MGLL: variants seen among roughly 807,000 people sequenced by gnomAD.
The protein encoded by MGLL is lysophospholipase homolog.
MGLL carries 7 observed loss-of-function variants against 29.1 expected under a neutral mutation model. That is an observed-to-expected ratio of 0.24 (90% CI 0.14 to 0.45). The LOEUF (loss-of-function observed/expected upper bound fraction) is 0.45, where lower values mean the gene tolerates loss of function less well. Ranked by LOEUF, MGLL falls within the 20% of genes least tolerant of loss-of-function variation. The pLI is 0.99. For missense variants in MGLL, 356 were observed against 413.6 expected, an observed-to-expected ratio of 0.86 and a Z score of 1.21; for synonymous variants, 148 against 168.3, an observed-to-expected ratio of 0.88 and a Z score of 0.93.
At chr3:127,708,661 G>GC (rs1338143646) in intron 6 of MGLL, among the ~76,000 whole-genome samples, 1 of 152,144 alleles carries the variant, frequency 6.6e-6, no homozygotes, top group African/African-American at 2.4e-5. Flanking sequence ...TTAAAGGGAG[G>GC]CCCCTCCCTC....
At chr3:127,722,310 G>A (rs1576503375) in intron 4 of MGLL, 120 bp downstream of exon 4, 4 of 1,402,198 alleles carry the variant, frequency 2.9e-6, no homozygotes, top group Middle Eastern at 2.4e-4. Flanking sequence ...GTGCACAAAG[G>A]GAGACATCAT....
At chr3:127,793,366 T>A (rs2077332304) in intron 2 of MGLL, among the ~76,000 whole-genome samples, 1 of 152,182 alleles carries the variant, frequency 6.6e-6, no homozygotes, top group Non-Finnish European at 1.5e-5. Context: ...AAAAATAGGT[T>A]GTGTGTGAAT....
At chr3:127,770,546 C>T (rs568702496) in intron 3 of MGLL, among the ~76,000 whole-genome samples, 31 of 152,126 alleles carry the variant, frequency 2.0e-4, no homozygotes, top group Middle Eastern at 3.4e-3. Context: ...TCAGAAAGAA[C>T]CGAGATGGCA....
chr3:127,732,673 C>T (rs956708444), intron 3 of MGLL, among the ~76,000 whole-genome samples: 6 of 152,182 alleles, frequency 3.9e-5, no homozygotes, highest in Non-Finnish European at 5.9e-5. Flanking sequence ...CACTCACCAG[C>T]ACCTGCAGAT....
At chr3:127,741,662 G>C (rs901818194) in intron 3 of MGLL, among the ~76,000 whole-genome samples, 2 of 152,202 alleles carry the variant, frequency 1.3e-5, no homozygotes, top group Non-Finnish European at 2.9e-5. Context: ...TTGTCTCATG[G>C]TTCCCAAGGT....
chr3:127,727,725 A>C (rs2076073434), intron 3 of MGLL, among the ~76,000 whole-genome samples: 1 of 151,750 alleles, frequency 6.6e-6, no homozygotes, highest in African/African-American at 2.4e-5. Context: ...AAAAAAAAAA[A>C]AAAACAGAGC....
intron 2 of MGLL, among the ~76,000 whole-genome samples, chr3:127,814,364 G>A (rs2077716241): frequency 6.6e-6 from 1 of 152,138 alleles, no homozygotes; most frequent in Non-Finnish European, 1.5e-5. Context: ...AAGGCTGTGT[G>A]AAATGAAAAG....
At chr3:127,692,755 T>G (rs1416554716) in intron 7 of MGLL, among the ~76,000 whole-genome samples, 1 of 152,218 alleles carries the variant, frequency 6.6e-6, no homozygotes, top group Non-Finnish European at 1.5e-5. Flanking sequence ...CCTCCATTGC[T>G]GTGGCAGGGG....
intron 6 of MGLL, among the ~76,000 whole-genome samples, chr3:127,707,067 C>T (rs2075617503): frequency 6.6e-6 from 1 of 152,104 alleles, no homozygotes; most frequent in South Asian, 2.1e-4. Context: ...TCATGGCTCC[C>T]GGGTGCTCAG....
chr3:127,721,518 T>TG (rs1559922315), intron 4 of MGLL, among the ~76,000 whole-genome samples: 6 of 150,122 alleles, frequency 4.0e-5, no homozygotes, highest in Non-Finnish European at 1.5e-5. Context: ...TTTTTTTTTT[T>TG]TTTTTTTTTT....
At chr3:127,720,628 G>A (rs1447635833) in intron 5 of MGLL, among the ~76,000 whole-genome samples, 3 of 152,192 alleles carry the variant, frequency 2.0e-5, no homozygotes, top group South Asian at 2.1e-4. Context: ...GGAGGAGCGC[G>A]GCAGTGGATG....
intron 3 of MGLL, among the ~76,000 whole-genome samples, chr3:127,755,499 G>A (rs1479614098): frequency 3.3e-5 from 5 of 152,154 alleles, no homozygotes; most frequent in African/African-American, 1.2e-4. Flanking sequence ...CAAGGAGAAG[G>A]TTGCTTATGA....
At chr3:127,767,201 G>A (rs931952775) in intron 3 of MGLL, among the ~76,000 whole-genome samples, 2 of 151,790 alleles carry the variant, frequency 1.3e-5, no homozygotes, top group Non-Finnish European at 2.9e-5. Context: ...CACCATCTAT[G>A]GGTGCCTGTC....
At chr3:127,783,143 C>CAAAAAAAA (rs72041528) in intron 2 of MGLL, among the ~76,000 whole-genome samples, 2 of 63,928 alleles carry the variant, frequency 3.1e-5, no homozygotes, top group African/African-American at 6.7e-5. Flanking sequence ...GACTCTGTCT[C>CAAAAAAAA]AAAAAAAAAA....
intron 2 of MGLL, among the ~76,000 whole-genome samples, chr3:127,793,672 C>T (rs1407827173): frequency 6.6e-6 from 1 of 152,202 alleles, no homozygotes; most frequent in Non-Finnish European, 1.5e-5. Context: ...AGTGATTGTC[C>T]TGCCTCAGCC....
chr3:127,734,185 G>A (rs1212046385), intron 3 of MGLL, among the ~76,000 whole-genome samples: 4 of 152,192 alleles, frequency 2.6e-5, no homozygotes, highest in African/African-American at 9.7e-5. Context: ...CCTTGACCGG[G>A]TCTCACTTTC....
At chr3:127,729,686 T>A (rs1484093007) in intron 3 of MGLL, among the ~76,000 whole-genome samples, 1 of 152,206 alleles carries the variant, frequency 6.6e-6, no homozygotes. Flanking sequence ...GTGTTAAAGT[T>A]CCCTTTTCAC....
At chr3:127,806,543 T>C (rs2077569580) in intron 2 of MGLL, among the ~76,000 whole-genome samples, 1 of 151,526 alleles carries the variant, frequency 6.6e-6, no homozygotes, top group African/African-American at 2.4e-5. Flanking sequence ...GATGGACGGA[T>C]GGACTGAAGG....
chr3:127,771,785 T>C (rs1314656012), intron 3 of MGLL, among the ~76,000 whole-genome samples: 1 of 152,146 alleles, frequency 6.6e-6, no homozygotes, highest in African/African-American at 2.4e-5. Context: ...CATTTGAAAA[T>C]TATAAAGAGA....
Sources: gnomAD v4.1 joint callset for allele counts (sites outside exome capture counted in the v4.1 genomes callset) on GRCh38, gnomAD v4.1.1 for gene constraint, MANE v1.5 for transcripts, NCBI Gene and HGNC (gene_info 2026-07-23, HGNC 2026-07-21) for gene names.